Variants in TBC1D5 observed in about 807,000 individuals in gnomAD.
TBC1D5 encodes the protein TBC1 domain family member 5, also known as TBC1 domain family, member 5.
Under a neutral mutation model 100.3 loss-of-function variants are expected in TBC1D5, and 75 were observed. The observed-to-expected ratio is 0.75, with a 90% CI of 0.62 to 0.91. TBC1D5 has a LOEUF of 0.91. Among genes scored for constraint, TBC1D5 ranks in the 40% least tolerant of loss-of-function variants. The probability of loss-of-function intolerance (pLI) is 0.00; values close to 1 mark genes in which losing one functional copy is unlikely to be tolerated. For synonymous variants in TBC1D5, 323 were observed against 325.6 expected (o/e 0.99, Z 0.09); for missense variants, 910 against 942.4 (o/e 0.97, Z 0.45).
intron 2 of TBC1D5, among the ~76,000 whole-genome samples, chr3:17,592,661 G>C (rs942684263): frequency 2.6e-5 from 4 of 152,198 alleles, no homozygotes; most frequent in Non-Finnish European, 5.9e-5. Context: ...TCTGCAACAA[G>C]TCCGAGCTAT....
At chr3:17,463,943 CTTT>C (rs1025162858) in intron 3 of TBC1D5, among the ~76,000 whole-genome samples, 1,582 of 87,406 alleles carry the variant, frequency 0.018, 17 homozygotes, top group African/African-American at 0.07. Context: ...TTCCTTATTC[CTTT>C]TTTTTTTTTT....
chr3:17,523,893 C>A (rs921822053), intron 2 of TBC1D5, among the ~76,000 whole-genome samples: 2 of 152,054 alleles, frequency 1.3e-5, no homozygotes, highest in African/African-American at 4.8e-5. Flanking sequence ...CATAGTTTAT[C>A]TGTGTATATT....
chr3:17,364,052 T>A (rs1418534641), intron 13 of TBC1D5, among the ~76,000 whole-genome samples: 2 of 151,958 alleles, frequency 1.3e-5, no homozygotes, highest in Non-Finnish European at 2.9e-5. Flanking sequence ...GGACTGAAAT[T>A]TTGAAGTAGT....
At chr3:17,706,291 G>A (rs902093313) in intron 1 of TBC1D5, 37 of 1,535,542 alleles carry the variant, frequency 2.4e-5, no homozygotes, top group African/African-American at 4.1e-5. Context: ...TGAACTAGAG[G>A]GTCTCACCTT....
intron 2 of TBC1D5, among the ~76,000 whole-genome samples, chr3:17,511,952 T>C (rs1478703722): frequency 2.0e-5 from 3 of 152,078 alleles, no homozygotes; most frequent in African/African-American, 7.2e-5. Context: ...CTTTTAATTA[T>C]GGATTTAAAT....
chr3:17,511,886 T>A (rs771112891), intron 2 of TBC1D5, among the ~76,000 whole-genome samples: 12 of 152,044 alleles, frequency 7.9e-5, no homozygotes, highest in Non-Finnish European at 1.2e-4. Context: ...CTAGTAATAA[T>A]GAGTTATTTT....
chr3:17,543,849 G>C (rs2096384744), intron 2 of TBC1D5, among the ~76,000 whole-genome samples: 2 of 151,678 alleles, frequency 1.3e-5, no homozygotes, highest in South Asian at 4.2e-4. Context: ...GCTTAAATGG[G>C]GCCTGAAAAG....
At chr3:17,308,249 T>TTTTTG in intron 13 of TBC1D5, 115 bp from the exon 14 acceptor site, 3 of 970,554 alleles carry the variant, frequency 3.1e-6, no homozygotes, top group Non-Finnish European at 4.2e-6. Flanking sequence ...AAATATTATA[T>TTTTTG]ATCAAAAATA....
intron 13 of TBC1D5, among the ~76,000 whole-genome samples, chr3:17,361,316 G>C (rs1050408670): frequency 6.6e-6 from 1 of 151,820 alleles, no homozygotes; most frequent in Non-Finnish European, 1.5e-5. Context: ...TTTTAAAGTA[G>C]ATTTAGATTC....
intron 2 of TBC1D5, among the ~76,000 whole-genome samples, chr3:17,527,462 G>A (rs2096152976): frequency 6.6e-6 from 1 of 152,160 alleles, no homozygotes; most frequent in Non-Finnish European, 1.5e-5. Context: ...ATACACAGTG[G>A]CATGGAAAGC....
At chr3:17,285,780 C>A (rs2081125320) in intron 15 of TBC1D5, among the ~76,000 whole-genome samples, 1 of 152,038 alleles carries the variant, frequency 6.6e-6, no homozygotes, top group African/African-American at 2.4e-5. Context: ...ATTAAAGTAC[C>A]TATATACAAT....
intron 3 of TBC1D5, among the ~76,000 whole-genome samples, chr3:17,434,449 C>G (rs887411077): frequency 2.6e-5 from 4 of 152,214 alleles, no homozygotes; most frequent in African/African-American, 7.2e-5. Flanking sequence ...AGCAATAGCC[C>G]AAGCTGTACA....
chr3:17,501,921 G>A lies in TBC1D5; in HGVS notation c.97+6553C>T, dbSNP rs540779658. Among the ~76,000 whole-genome samples the A allele has an allele frequency of 1.5e-4, 23 of 149,578 alleles. 1 individual carries two copies. The East Asian group carries it at 4.1e-3, about 26-fold the overall frequency. ...CTCCCCACAGATCTTCACATGCTTC[G>A]CCTTGTTATTCACTGTCAGCAAATA... On this transcript the variant is annotated intron_variant, in intron 3 of 21. Coordinates refer to ENST00000253692, the Ensembl canonical transcript of TBC1D5.
At chr3:17,365,853 A>G (rs1021502058) in intron 13 of TBC1D5, among the ~76,000 whole-genome samples, 1 of 152,220 alleles carries the variant, frequency 6.6e-6, no homozygotes, top group Non-Finnish European at 1.5e-5. Context: ...TTAAACTGTG[A>G]ATATTAGCTC....
At chr3:17,726,573 T>A (rs1406979954) in intron 1 of TBC1D5, among the ~76,000 whole-genome samples, 5 of 152,216 alleles carry the variant, frequency 3.3e-5, no homozygotes, top group Non-Finnish European at 7.3e-5. Flanking sequence ...TGTTTTTTGC[T>A]TGTTCAATTG....
intron 3 of TBC1D5, among the ~76,000 whole-genome samples, chr3:17,488,252 T>G (rs747841838): frequency 8.5e-5 from 13 of 152,212 alleles, no homozygotes; most frequent in Non-Finnish European, 1.3e-4. Context: ...CAGATTAGTG[T>G]CTTTTACTTA....
At chr3:17,352,578 G>C (rs114443966) in intron 13 of TBC1D5, among the ~76,000 whole-genome samples, 2 of 148,228 alleles carry the variant, frequency 1.3e-5, no homozygotes, top group African/African-American at 5.0e-5. Flanking sequence ...ATGGGATGCA[G>C]AAATGTGTCA....
At chr3:17,554,995 A>G (rs1320182645) in intron 2 of TBC1D5, among the ~76,000 whole-genome samples, 1 of 151,970 alleles carries the variant, frequency 6.6e-6, no homozygotes, top group Non-Finnish European at 1.5e-5. Flanking sequence ...GATTACAGGC[A>G]CGTGCCACCA....
At chr3:17,338,011 G>A (rs1479785812) in intron 13 of TBC1D5, among the ~76,000 whole-genome samples, 1 of 152,032 alleles carries the variant, frequency 6.6e-6, no homozygotes, top group East Asian at 1.9e-4. Flanking sequence ...TCTACTCTCT[G>A]CCTCTCACTG....
Sources: allele counts gnomAD v4.1 joint callset (sites outside exome capture counted in the v4.1 genomes callset), GRCh38; gene constraint gnomAD v4.1.1; transcripts MANE v1.5; gene names NCBI Gene and HGNC (gene_info 2026-07-23, HGNC 2026-07-21).